Variants in ACO1 observed in about 807,000 individuals in gnomAD.
ACO1 encodes cytoplasmic aconitate hydratase.
ACO1 carries 78 observed loss-of-function variants against 105.1 expected under a neutral mutation model. The observed-to-expected ratio is 0.74, with a 90% CI of 0.62 to 0.90. The LOEUF is 0.90. Ranked by LOEUF, ACO1 falls within the 40% of genes least tolerant of loss-of-function variation. The pLI is 0.00. For missense variants in ACO1, 965 were observed against 1,111.1 expected, an observed-to-expected ratio of 0.87 and a Z score of 1.87; for synonymous variants, 364 against 397.4, an observed-to-expected ratio of 0.92 and a Z score of 1.00.
intron 1 of ACO1, among the ~76,000 whole-genome samples, chr9:32,399,006 G>A (rs965973409): frequency 6.6e-6 from 1 of 152,214 alleles, no homozygotes; most frequent in African/African-American, 2.4e-5. Context: ...TTTTGTCCAT[G>A]ATTTAAGATA....
At chr9:32,402,304 T>C (rs752206934) in intron 1 of ACO1, among the ~76,000 whole-genome samples, 15 of 152,122 alleles carry the variant, frequency 9.9e-5, no homozygotes, top group Non-Finnish European at 2.1e-4. Flanking sequence ...TGCTAACTCT[T>C]CCCTCTTTCA....
intron 1 of ACO1, among the ~76,000 whole-genome samples, chr9:32,401,297 AC>A (rs1437331630): frequency 9.2e-5 from 14 of 151,930 alleles, no homozygotes; most frequent in African/African-American, 3.4e-4. Flanking sequence ...CCTAGGTAGT[AC>A]TTTTTTCAAC....
Position 32,429,441 on chromosome 9 carries a change from T to C in ACO1, c.1507T>C (p.Cys503Arg). 1 of 1,614,218 alleles carries C rather than the reference T, an allele frequency of 6.2e-7. No individual in the cohort carries two copies. The highest frequency in any genetic ancestry group is 8.5e-7 in the Non-Finnish European group (1 of 1,180,032). Residue 503 changes from cysteine (C) to arginine (R), a missense_variant, in exon 13 of 21, where the codon TGC becomes CGC. By Grantham distance (180) the Cys-to-Arg change is radical. Coordinates refer to ENST00000309951, the MANE Select transcript of ACO1 (RefSeq NM_002197.3). ...QLGFDVVGYGCMTCIGNSGPL... is the reference protein window; with the variant it reads ...QLGFDVVGYGRMTCIGNSGPL... ...TAGGTTTGACGTGGTGGGCTATGGC[T>C]GCATGACCTGCATTGGCAACAGTGG...
chr9:32,393,167 G>T (rs1041876936), intron 1 of ACO1, among the ~76,000 whole-genome samples: 2 of 152,226 alleles, frequency 1.3e-5, no homozygotes, highest in South Asian at 2.1e-4. Context: ...GGTGAGCCGG[G>T]GGGGAAACAG....
intron 1 of ACO1, among the ~76,000 whole-genome samples, chr9:32,395,475 C>CA (rs35706646): frequency 0.86 from 130,535 of 151,860 alleles, 57,556 homozygotes; most frequent in Non-Finnish European, 0.97. Context: ...GACCCTGTCT[C>CA]AAAAAACAAA....
intron 18 of ACO1, among the ~76,000 whole-genome samples, chr9:32,437,012 T>TC (rs1266044831): frequency 1.3e-5 from 2 of 152,258 alleles, no homozygotes; most frequent in African/African-American, 4.8e-5. Flanking sequence ...TAGAGTCTGG[T>TC]ACATGTCATA....
At chr9:32,429,963 G>A (rs144220315) in intron 13 of ACO1, among the ~76,000 whole-genome samples, 1 of 152,192 alleles carries the variant, frequency 6.6e-6, no homozygotes, top group African/African-American at 2.4e-5. Flanking sequence ...AGTGAGACAA[G>A]TCTCCACACA....
chr9:32,398,798 T>G (rs1393353114), intron 1 of ACO1, among the ~76,000 whole-genome samples: 1 of 152,142 alleles, frequency 6.6e-6, no homozygotes, highest in Non-Finnish European at 1.5e-5. Flanking sequence ...TCTCGCTATG[T>G]TGCCCAGGCT....
Position 32,453,986 on chromosome 9 carries a change from G to A in ACO1, c.*3875G>A, listed in dbSNP as rs752870937. The A allele has an allele frequency of 6.6e-5, 10 of 152,146 alleles. No individual in the cohort carries two copies. Among genetic ancestry groups the A allele is most frequent in the Non-Finnish European group, 1.0e-4 (7 of 68,028 alleles). The allele number at this position is 152,146 out of a possible 1,614,324, so 9.4% of individuals were successfully genotyped here. On this transcript the variant is annotated 3_prime_UTR_variant, in exon 21 of 21. Coordinates refer to ENST00000309951, the MANE Select transcript of ACO1 (RefSeq NM_002197.3). The stretch of plus-strand genomic sequence containing the variant: ...AATGAAATTCGTAGTTTTATTTTAC[G>A]GCATAATGAAACAGAGTTCCAGACA...
chr9:32,453,357 G>GA lies in ACO1; in HGVS notation c.*3260dup, dbSNP rs55804923. On this transcript the variant is annotated 3_prime_UTR_variant, in exon 21 of 21. Coordinates refer to ENST00000309951, the MANE Select transcript of ACO1 (RefSeq NM_002197.3). ...GAAGCACAGCTCAAATTAGCTTAAGGAAAAAAAAAAAAAAGCTGGCTCATA... is the reference window on the plus strand; with the variant it reads ...GAAGCACAGCTCAAATTAGCTTAAGGAAAAAAAAAAAAAAAGCTGGCTCATA... 0.85 allele frequency: 120,319 copies of GA among 141,310 alleles called. 51,531 individuals carry two copies. The highest frequency in any genetic ancestry group is 0.99 in the East Asian group (4,792 of 4,856). The allele number at this position is 141,310 out of a possible 1,614,324, so 8.8% of individuals were successfully genotyped here.
chr9:32,384,846 C>T, intron 1 of ACO1, 111 bp downstream of exon 1: 1 of 237,108 alleles, frequency 4.2e-6, no homozygotes, highest in Middle Eastern at 5.9e-4. Flanking sequence ...AGTGGCGGCA[C>T]GGGGGACACG....
At position 32,450,976 on chromosome 9, in the gene ACO1, G is replaced by A. The variant is rs1822755209; in HGVS notation, c.*865G>A. ...TTTACAACTCTATCAGAACTGTACGGGTATAACGGAAATGTTTAGGAACCA... is the reference window on the plus strand; with the variant it reads ...TTTACAACTCTATCAGAACTGTACGAGTATAACGGAAATGTTTAGGAACCA... On this transcript the variant is annotated 3_prime_UTR_variant, in exon 21 of 21. Coordinates refer to ENST00000309951, the MANE Select transcript of ACO1 (RefSeq NM_002197.3). The A allele has an allele frequency of 6.9e-6, 1 of 145,730 alleles. No homozygotes were observed. The highest frequency in any genetic ancestry group is 2.8e-5 in the African/African-American group (1 of 36,050). 9.0% of individuals were successfully genotyped at this position (145,730 alleles called of 1,614,324 possible). A position where few individuals can be genotyped will look rare whatever the true frequency, so the allele number is the denominator to read the frequency against.
chr9:32,432,976 G>A (rs4878497), intron 15 of ACO1, among the ~76,000 whole-genome samples: 77,487 of 151,796 alleles, frequency 0.51, 20,013 homozygotes, highest in South Asian at 0.6. Context: ...GAGGTCCTCC[G>A]TTTCTCACTG....
intron 18 of ACO1, 22 bp from the exon 19 acceptor site, chr9:32,440,443 A>G: frequency 6.2e-7 from 1 of 1,613,040 alleles, no homozygotes; most frequent in Non-Finnish European, 8.5e-7. Flanking sequence ...GCATCTGTAA[A>G]ACTTCCTTTT....
At chr9:32,398,132 C>G (rs1821410459) in intron 1 of ACO1, among the ~76,000 whole-genome samples, 1 of 152,106 alleles carries the variant, frequency 6.6e-6, no homozygotes, top group Non-Finnish European at 1.5e-5. Flanking sequence ...CTTGTAGGGT[C>G]CATTAATACT....
chr9:32,395,965 A>G (rs1821364622), intron 1 of ACO1, among the ~76,000 whole-genome samples: 1 of 152,220 alleles, frequency 6.6e-6, no homozygotes, highest in Admixed American at 6.5e-5. Context: ...GCCCAGAACT[A>G]GGGGAGCCCT....
intron 4 of ACO1, among the ~76,000 whole-genome samples, chr9:32,415,142 G>T (rs1233759037): frequency 6.6e-6 from 1 of 152,206 alleles, no homozygotes; most frequent in East Asian, 1.9e-4. Flanking sequence ...AGCTGAAGCT[G>T]AGAGCTTGGA....
At position 32,419,141 on chromosome 9, in the gene ACO1, G is replaced by A; in HGVS notation, c.762G>A (p.Leu254=). The change falls in exon 7 of 21, where the codon CTG becomes CTA. Residue 254 remains leucine, a synonymous_variant. Transcript: ENST00000309951. ...GYRLMGKPHP[L]VTSTDIVLTI... ...GGCTGATGGGGAAGCCCCACCCTCT[G>A]GTAACATCCACTGACATCGTGCTCA... The A allele has an allele frequency of 6.2e-7, 1 of 1,602,950 alleles. No homozygotes were observed. Among genetic ancestry groups the A allele is most frequent in the Non-Finnish European group, 8.5e-7 (1 of 1,174,360 alleles).
chr9:32,395,764 A>T (rs942937977), intron 1 of ACO1, among the ~76,000 whole-genome samples: 11 of 152,202 alleles, frequency 7.2e-5, no homozygotes, highest in African/African-American at 2.7e-4. Context: ...TCTGGAATTT[A>T]TAAATGTCGA....
Sources: gnomAD v4.1 joint callset for allele counts (sites outside exome capture counted in the v4.1 genomes callset) on GRCh38, gnomAD v4.1.1 for gene constraint, MANE v1.5 for transcripts, NCBI Gene and HGNC (gene_info 2026-07-23, HGNC 2026-07-21) for gene names.